The following SORCS2 variants were observed in gnomAD, a reference collection of about 807,000 sequenced individuals.
SORCS2 encodes the protein VPS10 domain-containing receptor SorCS2.
A neutral mutation model predicts 141.6 loss-of-function variants in SORCS2; 100 were observed. That is an observed-to-expected ratio of 0.71 (90% CI 0.60 to 0.83). The LOEUF is 0.83. Among genes scored for constraint, SORCS2 ranks in the 40% least tolerant of loss-of-function variants. The probability of loss-of-function intolerance (pLI) is 0.00; values close to 1 mark genes in which losing one functional copy is unlikely to be tolerated. For missense variants in SORCS2, 1,646 were observed against 1,560.2 expected (o/e 1.05, Z -0.93); for synonymous variants, 789 against 676.9 (o/e 1.17, Z -2.57).
At chr4:7,570,213 T>C (rs1280825882) in intron 3 of SORCS2, among the ~76,000 whole-genome samples, 1 of 152,200 alleles carries the variant, frequency 6.6e-6, no homozygotes, top group Non-Finnish European at 1.5e-5. Flanking sequence ...ACGCAGCCCG[T>C]CTGCTGTGGA....
At chr4:7,640,497 C>A (rs1182117472) in intron 4 of SORCS2, among the ~76,000 whole-genome samples, 1 of 103,216 alleles carries the variant, frequency 9.7e-6, no homozygotes, top group Non-Finnish European at 1.9e-5. Context: ...CCTATGTGAG[C>A]GTATGTGAGA....
At chr4:7,270,379 G>C (rs1715039810) in intron 1 of SORCS2, among the ~76,000 whole-genome samples, 1 of 152,244 alleles carries the variant, frequency 6.6e-6, no homozygotes, top group African/African-American at 2.4e-5. Flanking sequence ...AGCTGCGCTG[G>C]TCCTGTCTAA....
chr4:7,425,260 A>G (rs999065120), intron 2 of SORCS2, among the ~76,000 whole-genome samples: 5 of 151,872 alleles, frequency 3.3e-5, no homozygotes, highest in Non-Finnish European at 7.4e-5. Context: ...GGCTCCAGAG[A>G]CCCCAGGACT....
intron 2 of SORCS2, among the ~76,000 whole-genome samples, chr4:7,412,639 C>T (rs563048276): frequency 2.0e-5 from 3 of 152,112 alleles, no homozygotes; most frequent in Non-Finnish European, 4.4e-5. Flanking sequence ...CCTCCCAGCT[C>T]TAGAGGATTC....
intron 9 of SORCS2, among the ~76,000 whole-genome samples, chr4:7,679,461 A>G (rs1023186098): frequency 1.3e-5 from 2 of 152,250 alleles, no homozygotes; most frequent in African/African-American, 4.8e-5. Flanking sequence ...GAAAGACTCA[A>G]GCACTCAAGA....
At chr4:7,731,827 C>T (rs901450059) in intron 23 of SORCS2, among the ~76,000 whole-genome samples, 2 of 152,298 alleles carry the variant, frequency 1.3e-5, no homozygotes, top group African/African-American at 4.8e-5. Context: ...TAAAGACAAA[C>T]GTAAGACCTG....
At chr4:7,425,487 G>T (rs1726366764) in intron 2 of SORCS2, among the ~76,000 whole-genome samples, 1 of 152,168 alleles carries the variant, frequency 6.6e-6, no homozygotes, top group African/African-American at 2.4e-5. Context: ...TCATTTTGCA[G>T]TTACTCCCAC....
chr4:7,540,145 C>T (rs1165414392), intron 3 of SORCS2, among the ~76,000 whole-genome samples: 2 of 85,470 alleles, frequency 2.3e-5, no homozygotes, highest in Non-Finnish European at 5.1e-5. Context: ...GGGCCCTGCC[C>T]CTCCCCGCCC....
intron 1 of SORCS2, among the ~76,000 whole-genome samples, chr4:7,366,096 C>T (rs1721863796): frequency 1.3e-5 from 2 of 152,140 alleles, no homozygotes; most frequent in Admixed American, 1.3e-4. Context: ...AGGAGGAGTG[C>T]CGGGGGGTGG....
At chr4:7,700,373 C>T (rs1011952362) in intron 12 of SORCS2, among the ~76,000 whole-genome samples, 1 of 152,178 alleles carries the variant, frequency 6.6e-6, no homozygotes, top group Non-Finnish European at 1.5e-5. Flanking sequence ...TGTCACTGTG[C>T]AGGGATGATC....
chr4:7,368,431 C>T (rs971522458), intron 1 of SORCS2, among the ~76,000 whole-genome samples: 9 of 152,244 alleles, frequency 5.9e-5, no homozygotes, highest in Admixed American at 6.5e-5. Context: ...ACCTTGACTG[C>T]CCGGACCTGC....
intron 4 of SORCS2, among the ~76,000 whole-genome samples, chr4:7,653,358 C>G (rs1018107017): frequency 2.0e-5 from 3 of 152,114 alleles, no homozygotes; most frequent in Non-Finnish European, 4.4e-5. Flanking sequence ...ATTCTCCTGA[C>G]TCAGCCTCCC....
At chr4:7,435,035 C>T (rs1192598127) in intron 2 of SORCS2, 1 of 890,918 alleles carries the variant, frequency 1.1e-6, no homozygotes, top group South Asian at 1.8e-5. Flanking sequence ...GGATTCCTGG[C>T]CTCTTCGCCT....
intron 2 of SORCS2, among the ~76,000 whole-genome samples, chr4:7,479,795 G>A (rs1305660448): frequency 6.6e-6 from 1 of 152,256 alleles, no homozygotes; most frequent in Non-Finnish European, 1.5e-5. Flanking sequence ...AATGTCCAGT[G>A]GTGGGTGCAG....
intron 19 of SORCS2, among the ~76,000 whole-genome samples, chr4:7,724,292 ATAATGGTGACAATGGTGGTGG>A (rs1726864462): frequency 8.4e-6 from 1 of 118,412 alleles, no homozygotes; most frequent in Admixed American, 8.7e-5. Context: ...GGTGGTGGTG[ATAATGGTGACAATGGTGGTGG>A]TGGTGGTGGT....
intron 17 of SORCS2, among the ~76,000 whole-genome samples, chr4:7,716,708 T>TCC (rs1726218385): frequency 1.2e-5 from 1 of 80,618 alleles, no homozygotes; most frequent in East Asian, 5.3e-4. Context: ...TCCATCCATC[T>TCC]ACTTATCTAC....
chr4:7,628,206 A>G (rs570361311), intron 3 of SORCS2, among the ~76,000 whole-genome samples: 1 of 152,226 alleles, frequency 6.6e-6, no homozygotes, highest in South Asian at 2.1e-4. Flanking sequence ...AACACAACAG[A>G]ACAGAACGCC....
At chr4:7,581,387 A>G (rs4689785) in intron 3 of SORCS2, among the ~76,000 whole-genome samples, 42,330 of 152,130 alleles carry the variant, frequency 0.28, 7,271 homozygotes, top group East Asian at 0.71. Context: ...GGAAATGAGC[A>G]TGCTTCTATT....
At chr4:7,728,487 C>T in intron 22 of SORCS2, 25 bp downstream of exon 22, 1 of 1,553,760 alleles carries the variant, frequency 6.4e-7, no homozygotes. Flanking sequence ...CCTAGAGCCT[C>T]CCCAGCCCCA....
Sources: allele counts gnomAD v4.1 joint callset (sites outside exome capture counted in the v4.1 genomes callset), GRCh38; gene constraint gnomAD v4.1.1; transcripts MANE v1.5; gene names NCBI Gene and HGNC (gene_info 2026-07-23, HGNC 2026-07-21).